The following RPS6KA2 variants were observed in gnomAD, a reference collection of about 807,000 sequenced individuals.
RPS6KA2 encodes the protein ribosomal protein S6 kinase alpha-2.
RPS6KA2 carries 42 observed loss-of-function variants against 91.8 expected under a neutral mutation model. That is an observed-to-expected ratio of 0.46 (90% CI 0.36 to 0.59). The LOEUF is 0.59. RPS6KA2 is among the 20% of genes least tolerant of loss of function. RPS6KA2 has a pLI of 0.00. For synonymous variants in RPS6KA2, 414 were observed against 393.6 expected, an observed-to-expected ratio of 1.05 and a Z score of -0.61; for missense variants, 798 against 978.5, an observed-to-expected ratio of 0.82 and a Z score of 2.46.
chr6:166,618,934 G>A (rs1786516413), intron 1 of RPS6KA2, among the ~76,000 whole-genome samples: 2 of 152,266 alleles, frequency 1.3e-5, no homozygotes, highest in Admixed American at 1.3e-4. Context: ...CAAGAGCCCT[G>A]TGCATATGGA....
At chr6:166,512,228 A>C (rs187936044) in intron 3 of RPS6KA2, among the ~76,000 whole-genome samples, 2 of 152,340 alleles carry the variant, frequency 1.3e-5, no homozygotes, top group East Asian at 3.9e-4. Flanking sequence ...CAAGAGGACA[A>C]CTATTGTAGG....
At chr6:166,794,553 CATGTATGTT>C (rs750101607) in intron 2 of RPS6KA2, among the ~76,000 whole-genome samples, 26 of 150,200 alleles carry the variant, frequency 1.7e-4, no homozygotes, top group Middle Eastern at 6.8e-3. Context: ...GACACATGCA[CATGTATGTT>C]TATTGTGGCA....
At chr6:166,744,657 C>T (rs1790930002) in intron 2 of RPS6KA2, among the ~76,000 whole-genome samples, 1 of 152,196 alleles carries the variant, frequency 6.6e-6, no homozygotes. Context: ...GCTGCCCCTT[C>T]AGACCTCTGC....
chr6:166,659,611 G>A (rs1582994575), intron 2 of RPS6KA2, among the ~76,000 whole-genome samples: 1 of 152,264 alleles, frequency 6.6e-6, no homozygotes, highest in African/African-American at 2.4e-5. Flanking sequence ...ATTCCAGGGA[G>A]TGGAGCGTAA....
In RPS6KA2 at chr6:166,777,133, G is replaced by A. The variant is rs181204568; in HGVS notation, c.123+81067C>T. On this transcript the variant is annotated intron_variant, in intron 2 of 21. Coordinates refer to the RPS6KA2 transcript ENST00000503859. ...GAAGAGCTGGACCTGAGGTTGCTGC[G>A]GGAGGCCTGAGCAGGGAGCGCAAAG... Among the ~76,000 whole-genome samples, 482 of 152,296 alleles carry A rather than the reference G, an allele frequency of 3.2e-3. 3 individuals are homozygous for A. The highest frequency in any genetic ancestry group is 0.011 in the African/African-American group (459 of 41,566).
intron 7 of RPS6KA2, 103 bp from the exon 8 acceptor site, chr6:166,498,753 C>T: frequency 2.1e-6 from 3 of 1,434,378 alleles, no homozygotes; most frequent in South Asian, 1.2e-5. Context: ...TGCCCCCTCT[C>T]CAGGTGGGCG....
intron 14 of RPS6KA2, among the ~76,000 whole-genome samples, chr6:166,442,213 G>A (rs2128451268): frequency 6.6e-6 from 1 of 152,336 alleles, no homozygotes; most frequent in East Asian, 1.9e-4. Context: ...CAGCCTTACT[G>A]CCCAGCCCCA....
At chr6:166,624,472 C>CA (rs745329531) in intron 1 of RPS6KA2, among the ~76,000 whole-genome samples, 11 of 152,170 alleles carry the variant, frequency 7.2e-5, no homozygotes, top group Non-Finnish European at 1.2e-4. Flanking sequence ...TGTGAACACA[C>CA]AAACGAACAG....
chr6:166,692,974 A>G (rs964544451), intron 2 of RPS6KA2, among the ~76,000 whole-genome samples: 1 of 152,204 alleles, frequency 6.6e-6, no homozygotes, highest in Non-Finnish European at 1.5e-5. Context: ...CATTCAGGCT[A>G]ATTGTCACTC....
chr6:166,638,843 C>T (rs566275878), intron 2 of RPS6KA2, among the ~76,000 whole-genome samples: 27 of 152,260 alleles, frequency 1.8e-4, no homozygotes, highest in Admixed American at 1.3e-4. Flanking sequence ...ATTACCAAGA[C>T]GTGTCCATCA....
upstream of RPS6KA2, among the ~76,000 whole-genome samples, chr6:166,629,553 C>T (rs1787010458): frequency 6.6e-6 from 1 of 152,208 alleles, no homozygotes; most frequent in African/African-American, 2.4e-5. Context: ...TGGAACACTA[C>T]TTCATGTGAT....
intron 2 of RPS6KA2, among the ~76,000 whole-genome samples, chr6:166,747,924 G>A (rs988563304): frequency 6.6e-6 from 1 of 152,164 alleles, no homozygotes; most frequent in Non-Finnish European, 1.5e-5. Flanking sequence ...GGCTGTGTAC[G>A]GACACAGAGC....
rs1196105150 is a variant in RPS6KA2, at chr6:166,554,185, G to C, written c.100-15401C>G. Among the ~76,000 whole-genome samples, 1 of 152,214 alleles carries C rather than the reference G, an allele frequency of 6.6e-6. No homozygotes were observed. The highest frequency in any genetic ancestry group is 1.9e-4 in the East Asian group (1 of 5,196). ...GCTTTCTGCTACTTCTTCCCACAGAGTGACATATTTTTCTTATTAGACTTA... is the reference window on the plus strand; with the variant it reads ...GCTTTCTGCTACTTCTTCCCACAGACTGACATATTTTTCTTATTAGACTTA... On this transcript the variant is annotated intron_variant, in intron 1 of 20. Coordinates refer to ENST00000265678, the MANE Select transcript of RPS6KA2 (RefSeq NM_021135.6). This position sits in a 1 kb window ranked among gnomAD's most constrained non-coding sequence, Gnocchi z 4.3.
intron 2 of RPS6KA2, among the ~76,000 whole-genome samples, chr6:166,747,903 G>C (rs1791071626): frequency 6.6e-6 from 1 of 152,216 alleles, no homozygotes; most frequent in Non-Finnish European, 1.5e-5. Context: ...CTGCAGCTGT[G>C]AGAAGGCAGC....
At chr6:166,802,114 A>AC (rs1779381870) in intron 2 of RPS6KA2, among the ~76,000 whole-genome samples, 1 of 151,782 alleles carries the variant, frequency 6.6e-6, no homozygotes, top group Non-Finnish European at 1.5e-5. Flanking sequence ...ACACACACAC[A>AC]AACAAATTAG....
chr6:166,809,866 A>G (rs770738958), intron 2 of RPS6KA2, among the ~76,000 whole-genome samples: 1 of 152,206 alleles, frequency 6.6e-6, no homozygotes, highest in Non-Finnish European at 1.5e-5. Flanking sequence ...GCATGTGAGG[A>G]CGCTCATGCA....
At chr6:166,631,847 C>T (rs887027818), upstream of RPS6KA2, among the ~76,000 whole-genome samples, 5 of 152,184 alleles carry the variant, frequency 3.3e-5, no homozygotes, top group South Asian at 2.1e-4. Flanking sequence ...AGAGGCTGCG[C>T]GGCAAACGGA....
intron 2 of RPS6KA2, among the ~76,000 whole-genome samples, chr6:166,769,529 C>T (rs1778408507): frequency 6.6e-6 from 1 of 152,228 alleles, no homozygotes; most frequent in South Asian, 2.1e-4. Flanking sequence ...TCAGAACCAG[C>T]TTGAGATTCT....
intron 11 of RPS6KA2, among the ~76,000 whole-genome samples, chr6:166,460,487 G>C (rs1343966324): frequency 6.6e-6 from 1 of 152,210 alleles, no homozygotes; most frequent in African/African-American, 2.4e-5. Flanking sequence ...GAAGTGTGGA[G>C]GGGGAGGGGC....
Sources: gnomAD v4.1 joint callset for allele counts (sites outside exome capture counted in the v4.1 genomes callset) on GRCh38, gnomAD v4.1.1 for gene constraint, Gnocchi (gnomAD v3.1) non-coding constraint, MANE v1.5 for transcripts, NCBI Gene and HGNC (gene_info 2026-07-23, HGNC 2026-07-21) for gene names.